The following RNF11 variants were observed in gnomAD, a reference collection of about 807,000 sequenced individuals.
RNF11 encodes the protein ring finger protein 11.
Under a neutral mutation model 15.8 loss-of-function variants are expected in RNF11, and 4 were observed. The observed-to-expected ratio is 0.25, with a 90% CI of 0.12 to 0.58. RNF11 has a LOEUF of 0.58. Among genes scored for constraint, RNF11 ranks in the 20% least tolerant of loss-of-function variants. The pLI is 0.91. For synonymous variants in RNF11, 68 were observed against 72.3 expected, an observed-to-expected ratio of 0.94 and a Z score of 0.30; for missense variants, 139 against 194.4, an observed-to-expected ratio of 0.71 and a Z score of 1.70.
intron 1 of RNF11, among the ~76,000 whole-genome samples, chr1:51,238,437 A>C (rs1258367968): frequency 6.6e-6 from 1 of 152,252 alleles, no homozygotes; most frequent in African/African-American, 2.4e-5. Context: ...GTAGGGACTC[A>C]GTAACTGGGA....
chr1:51,267,835 G>A (rs11810639), intron 1 of RNF11, among the ~76,000 whole-genome samples: 24,444 of 152,188 alleles, frequency 0.16, 3,108 homozygotes, highest in African/African-American at 0.35. Context: ...GGTTAAAGCA[G>A]TTCTCTTGCC....
At chr1:51,242,235 G>T (rs1646832371) in intron 1 of RNF11, among the ~76,000 whole-genome samples, 1 of 151,854 alleles carries the variant, frequency 6.6e-6, no homozygotes, top group Admixed American at 6.6e-5. Context: ...GAATTTATCA[G>T]ATTGTTTTGG....
chr1:51,248,397 G>T (rs1032836852), intron 1 of RNF11, among the ~76,000 whole-genome samples: 7 of 151,890 alleles, frequency 4.6e-5, no homozygotes, highest in Non-Finnish European at 7.4e-5. Context: ...GTAGAGGCAG[G>T]GTTTCTCCAT....
chr1:51,252,081 C>CAAAAAAAAAAAAA (rs928146865), intron 1 of RNF11, among the ~76,000 whole-genome samples: 19 of 53,408 alleles, frequency 3.6e-4, no homozygotes, highest in East Asian at 6.3e-4. Context: ...CATCTCAAAG[C>CAAAAAAAAAAAAA]AAAAAAAAAA....
chr1:51,243,736 G>A (rs1646840356), intron 1 of RNF11, among the ~76,000 whole-genome samples: 1 of 152,214 alleles, frequency 6.6e-6, no homozygotes. Flanking sequence ...ACCACGCCCG[G>A]CCCTTAATGA....
intron 1 of RNF11, among the ~76,000 whole-genome samples, chr1:51,259,232 G>GGA (rs1646919101): frequency 6.6e-6 from 1 of 152,176 alleles, no homozygotes. Flanking sequence ...GTGATGTACA[G>GGA]GACAGCCCCT....
At chr1:51,239,115 G>T (rs369835883) in intron 1 of RNF11, among the ~76,000 whole-genome samples, 1 of 151,996 alleles carries the variant, frequency 6.6e-6, no homozygotes, top group Admixed American at 6.6e-5. Flanking sequence ...CTCCTATGTT[G>T]CCTAGGCTGG....
At chr1:51,259,258 CT>C (rs1437523859) in intron 1 of RNF11, among the ~76,000 whole-genome samples, 1 of 152,174 alleles carries the variant, frequency 6.6e-6, no homozygotes, top group Non-Finnish European at 1.5e-5. Flanking sequence ...AAAGAATTGT[CT>C]TACTAAAATG....
At chr1:51,256,413 G>A (rs960833231) in intron 1 of RNF11, among the ~76,000 whole-genome samples, 1 of 151,984 alleles carries the variant, frequency 6.6e-6, no homozygotes, top group Non-Finnish European at 1.5e-5. Context: ...ATTTTTTAGT[G>A]CTGAATAACA....
At chr1:51,246,387 C>T (rs1046815682) in intron 1 of RNF11, among the ~76,000 whole-genome samples, 1 of 151,792 alleles carries the variant, frequency 6.6e-6, no homozygotes, top group African/African-American at 2.4e-5. Flanking sequence ...CCAGCCTGGG[C>T]AAAATAGCGA....
intron 1 of RNF11, among the ~76,000 whole-genome samples, chr1:51,259,317 C>T (rs1433634088): frequency 6.6e-6 from 1 of 152,188 alleles, no homozygotes; most frequent in African/African-American, 2.4e-5. Context: ...AGCCCCTTTT[C>T]CTCTCTAACC....
chr1:51,248,188 T>C (rs1276811068), intron 1 of RNF11, among the ~76,000 whole-genome samples: 1 of 149,086 alleles, frequency 6.7e-6, no homozygotes, highest in African/African-American at 2.5e-5. Context: ...TACAGTGCTA[T>C]ACTGTATTTT....
At chr1:51,258,774 A>G (rs1306313416) in intron 1 of RNF11, among the ~76,000 whole-genome samples, 1 of 152,108 alleles carries the variant, frequency 6.6e-6, no homozygotes, top group African/African-American at 2.4e-5. Context: ...AATCTCCCTG[A>G]TAGGCAATCT....
intron 1 of RNF11, among the ~76,000 whole-genome samples, chr1:51,258,096 C>G (rs35618327): frequency 6.6e-6 from 1 of 151,970 alleles, no homozygotes; most frequent in African/African-American, 2.4e-5. Context: ...TCAGGTGATC[C>G]GCCTGCCTTG....
intron 1 of RNF11, among the ~76,000 whole-genome samples, chr1:51,260,590 T>C (rs1646925646): frequency 6.6e-6 from 1 of 152,228 alleles, no homozygotes; most frequent in Admixed American, 6.5e-5. Flanking sequence ...GGTAACAGAA[T>C]AGTGCATCCA....
intron 1 of RNF11, among the ~76,000 whole-genome samples, chr1:51,258,564 T>G (rs962973254): frequency 6.6e-6 from 1 of 152,186 alleles, no homozygotes; most frequent in Non-Finnish European, 1.5e-5. Flanking sequence ...AAATGGGTCT[T>G]CTAAAAATGT....
At chr1:51,269,302 C>T (rs1646968531) in intron 1 of RNF11, among the ~76,000 whole-genome samples, 1 of 152,118 alleles carries the variant, frequency 6.6e-6, no homozygotes, top group Non-Finnish European at 1.5e-5. Context: ...CACCATGGCT[C>T]AACCCTGTGG....
intron 1 of RNF11, among the ~76,000 whole-genome samples, chr1:51,255,102 A>G (rs35175821): frequency 0.041 from 6,221 of 152,248 alleles, 191 homozygotes; most frequent in Non-Finnish European, 0.061. Context: ...ATTATCACAT[A>G]GTATCTGTAA....
Position 51,270,110 on chromosome 1 carries a change from A to G in RNF11, c.278A>G (p.Glu93Gly). 1 of 1,590,598 alleles carries G rather than the reference A, an allele frequency of 6.3e-7. No individual in the cohort carries two copies. Among genetic ancestry groups the G allele is most frequent in the Non-Finnish European group, 8.5e-7 (1 of 1,172,198 alleles). Residue 93 changes from glutamate (E) to glycine (G), a missense_variant, in exon 2 of 3, where the codon GAA becomes GGA. Coordinates refer to ENST00000242719, the MANE Select transcript of RNF11 (RefSeq NM_014372.5). ...GVYDPGRDGS[E>G]KKIRECVICM... is the part of the protein sequence containing the mutation. The stretch of plus-strand genomic sequence containing the variant: ...TATGACCCTGGAAGAGATGGATCAG[A>G]AAAAAAGATCCGGGAGTAAGTTTTA...
Sources: allele counts gnomAD v4.1 joint callset (sites outside exome capture counted in the v4.1 genomes callset), GRCh38; gene constraint gnomAD v4.1.1; transcripts MANE v1.5; gene names NCBI Gene and HGNC (gene_info 2026-07-23, HGNC 2026-07-21).